The following NCOR2 variants were observed in gnomAD, a reference collection of about 807,000 sequenced individuals.
The protein encoded by NCOR2 is CTG repeat protein 26.
In NCOR2, 81 loss-of-function variants were observed where a neutral mutation model predicts 262.9. The observed-to-expected ratio is 0.31, with a 90% CI of 0.26 to 0.37. NCOR2 has a LOEUF of 0.37. Among genes scored for constraint, NCOR2 ranks in the 10% least tolerant of loss-of-function variants. NCOR2 has a pLI of 1.00. For synonymous variants in NCOR2, 1,659 were observed against 1,559.3 expected (o/e 1.06, Z -1.51); for missense variants, 3,385 against 3,621.4 (o/e 0.93, Z 1.68).
Position 124,413,365 on chromosome 12 carries a change from G to A in NCOR2, c.1482+6592C>T, listed in dbSNP as rs141224903. On this transcript the variant is annotated intron_variant, in intron 13 of 46. Coordinates refer to ENST00000405201, the Ensembl canonical transcript of NCOR2. ...CCCTATTTTCGGAAGGATTAAGGTC[G>A]GATTCGCATCTGAAGGTAGAGTCTG... 4.1e-3 allele frequency among the ~76,000 whole-genome samples: 631 copies of A among 152,302 alleles called. 5 individuals carry two copies. The highest frequency in any genetic ancestry group is 0.014 in the African/African-American group (593 of 41,562).
At chr12:124,473,021 C>G in exon 4 of NCOR2, 1 of 1,614,190 alleles carries the variant, frequency 6.2e-7, no homozygotes, top group Non-Finnish European at 8.5e-7. Flanking sequence ...GGTCCATGTT[C>G]TGGATCAGCT....
intron 1 of NCOR2, among the ~76,000 whole-genome samples, chr12:124,508,645 G>C (rs1287099002): frequency 6.6e-6 from 1 of 152,170 alleles, no homozygotes; most frequent in African/African-American, 2.4e-5. Context: ...GACCCTGCTG[G>C]AACAGGGTCC....
At chr12:124,451,655 G>A (rs763770870) in intron 6 of NCOR2, among the ~76,000 whole-genome samples, 137 of 152,292 alleles carry the variant, frequency 9.0e-4, no homozygotes, top group Non-Finnish European at 1.7e-3. Context: ...GGGTGGCCAT[G>A]GGTGACTATG....
intron 17 of NCOR2, 71 bp downstream of exon 19, chr12:124,385,674 C>G: frequency 6.3e-7 from 1 of 1,578,186 alleles, no homozygotes. Flanking sequence ...GGTGCAGAGA[C>G]ATCTCCTGAG....
At chr12:124,348,487 G>C in intron 28 of NCOR2, 173 bp from the exon 31 acceptor site, 1 of 851,018 alleles carries the variant, frequency 1.2e-6, no homozygotes, top group Non-Finnish European at 1.7e-6. Context: ...GCAGGCCCTG[G>C]GGGCCTGCCA....
chr12:124,330,739 A>G lies in NCOR2; in HGVS notation c.6958+106T>C, dbSNP rs1001799735. The G allele has an allele frequency of 3.9e-6, 5 of 1,274,168 alleles. No individual in the cohort carries two copies. In the African/African-American group the frequency reaches 7.4e-5, roughly 19 times the overall value. The allele number at this position is 1,274,168 out of a possible 1,614,324, so 78.9% of individuals were successfully genotyped here. A position where few individuals can be genotyped will look rare whatever the true frequency, so the allele number is the denominator to read the frequency against. On this transcript the variant is annotated intron_variant, in intron 44 of 46. Coordinates refer to ENST00000405201, the Ensembl canonical transcript of NCOR2. Reference sequence around the variant, plus strand: ...AGTTCATCCCAGAATGAGGGGGTACACCCAGACTAGCGAAGGCTCCTCGTC... The same window carrying G: ...AGTTCATCCCAGAATGAGGGGGTACGCCCAGACTAGCGAAGGCTCCTCGTC...
intron 14 of NCOR2, among the ~76,000 whole-genome samples, chr12:124,401,085 C>A (rs991692284): frequency 6.6e-6 from 1 of 152,028 alleles, no homozygotes; most frequent in African/African-American, 2.4e-5. Context: ...GTGGCATATG[C>A]TGATGGTCCC....
upstream of NCOR2, chr12:124,537,703 C>G (rs2051157406): frequency 6.6e-6 from 1 of 152,334 alleles, no homozygotes; most frequent in South Asian, 2.1e-4. Context: ...CTCCTACCCC[C>G]ACCCAGGGGC....
At chr12:124,351,121 C>T (rs1196612162) in intron 27 of NCOR2, among the ~76,000 whole-genome samples, 1 of 152,138 alleles carries the variant, frequency 6.6e-6, no homozygotes, top group Non-Finnish European at 1.5e-5. Flanking sequence ...GGACTTGAAC[C>T]CAGGCATTCT....
At chr12:124,478,578 C>T (rs1307683930) in intron 3 of NCOR2, among the ~76,000 whole-genome samples, 1 of 152,152 alleles carries the variant, frequency 6.6e-6, no homozygotes, top group Non-Finnish European at 1.5e-5. Flanking sequence ...TCAACTCGCT[C>T]TCCCAGGCAT....
At chr12:124,441,882 C>G (rs2136445344) in intron 7 of NCOR2, among the ~76,000 whole-genome samples, 1 of 152,312 alleles carries the variant, frequency 6.6e-6, no homozygotes, top group Non-Finnish European at 1.5e-5. Context: ...CCAGTCTTAC[C>G]AGGAGGAAAC....
chr12:124,336,023 G>A, intron 38 of NCOR2: 1 of 207,482 alleles, frequency 4.8e-6, no homozygotes, highest in Non-Finnish European at 9.7e-6. Context: ...GTGACCCTGG[G>A]TCCCCGGGGC....
rs1415226917 is a variant in NCOR2 at position 124,389,128 on chromosome 12, G to A, written c.1877-3241C>T. Among the ~76,000 whole-genome samples, 1 of 152,254 alleles carries A rather than the reference G, an allele frequency of 6.6e-6. No individual in the cohort carries two copies. Among genetic ancestry groups the A allele is most frequent in the Admixed American group, 6.5e-5 (1 of 15,294 alleles). The stretch of plus-strand genomic sequence containing the variant: ...GGATGCCCCTGGGCCAGGTATCACC[G>A]GGGCGCAGCGTGCCGAGCTCCTCCA... On this transcript the variant is annotated intron_variant, in intron 16 of 46. Coordinates refer to ENST00000405201, the Ensembl canonical transcript of NCOR2. The surrounding 1 kb of genome is among the most constrained non-coding windows in gnomAD (Gnocchi z 4.4).
intron 7 of NCOR2, among the ~76,000 whole-genome samples, chr12:124,449,407 G>C (rs1475607353): frequency 6.6e-6 from 1 of 152,174 alleles, no homozygotes; most frequent in Non-Finnish European, 1.5e-5. Flanking sequence ...GCTTATGCCA[G>C]AGCCCAAAAC....
intron 41 of NCOR2, among the ~76,000 whole-genome samples, chr12:124,333,875 T>G (rs1256123632): frequency 8.9e-6 from 1 of 112,798 alleles, no homozygotes; most frequent in Non-Finnish European, 1.9e-5. Context: ...TGCGCATGTG[T>G]GCGGGTGTGC....
At position 124,483,088 on chromosome 12, in the gene NCOR2, A is replaced by G. The variant is rs2047585298; in HGVS notation, c.411+508T>C. 6.6e-6 allele frequency among the ~76,000 whole-genome samples: 1 copy of G among 151,954 alleles called. No homozygotes were observed. The highest frequency in any genetic ancestry group is 2.1e-4 in the South Asian group (1 of 4,824). ...CTGTCCACCTCGCGGGCCGGGGTTCAAGGCCCAGGGGGCTGCCTGCTGTGC... is the reference window on the plus strand; with the variant it reads ...CTGTCCACCTCGCGGGCCGGGGTTCGAGGCCCAGGGGGCTGCCTGCTGTGC... On this transcript the variant is annotated intron_variant, in intron 3 of 46. Transcript: ENST00000405201. This position sits in a 1 kb window ranked among gnomAD's most constrained non-coding sequence, Gnocchi z 6.3.
chr12:124,551,942 A>G (rs902293980), intron 1 of NCOR2, among the ~76,000 whole-genome samples: 2 of 152,160 alleles, frequency 1.3e-5, no homozygotes, highest in Non-Finnish European at 2.9e-5. Flanking sequence ...GCTTGTCATG[A>G]GACATGCTGG....
At chr12:124,333,967 G>GGTGTGCATGTGTGTGT (rs2035607535) in intron 41 of NCOR2, among the ~76,000 whole-genome samples, 3 of 147,354 alleles carry the variant, frequency 2.0e-5, no homozygotes, top group South Asian at 2.2e-4. Context: ...TGTGTGTGCG[G>GGTGTGCATGTGTGTGT]GTGCGCATGT....
intron 28 of NCOR2, chr12:124,348,655 C>T (rs1187911401): frequency 5.4e-5 from 19 of 354,396 alleles, no homozygotes; most frequent in South Asian, 4.8e-4. Context: ...CCACGGGTGC[C>T]GACATGGGGC....
Sources: gnomAD v4.1 joint callset for allele counts (sites outside exome capture counted in the v4.1 genomes callset) on GRCh38, gnomAD v4.1.1 for gene constraint, Gnocchi (gnomAD v3.1) non-coding constraint, MANE v1.5 for transcripts, NCBI Gene and HGNC (gene_info 2026-07-23, HGNC 2026-07-21) for gene names.